SLC22A24: variants seen among roughly 807,000 people sequenced by gnomAD.
SLC22A24 encodes the protein steroid transmembrane transporter SLC22A24.
In SLC22A24, 53 loss-of-function variants were observed where a neutral mutation model predicts 49.8. The observed-to-expected ratio is 1.06, with a 90% confidence interval of 0.85 to 1.34. The LOEUF is 1.34. SLC22A24 is among the 40% of genes most tolerant of loss of function. The pLI is 0.00. For synonymous variants in SLC22A24, 302 were observed against 256.4 expected, an observed-to-expected ratio of 1.18 and a Z score of -1.70; for missense variants, 786 against 675.9, an observed-to-expected ratio of 1.16 and a Z score of -1.81.
At chr11:63,113,704 A>C in intron 4 of SLC22A24, among the ~76,000 whole-genome samples, 1 of 151,916 alleles carries the variant, frequency 6.6e-6, no homozygotes, top group East Asian at 1.9e-4. Flanking sequence ...AAATACAAAA[A>C]TTAGCTCGGC....
intron 1 of SLC22A24, among the ~76,000 whole-genome samples, chr11:63,135,197 GTAGGTAACATA>G: frequency 6.6e-6 from 1 of 152,274 alleles, no homozygotes; most frequent in South Asian, 2.1e-4. Context: ...CCCTCATCAT[GTAGGTAACATA>G]TGAGCTCTAC....
At chr11:63,114,258 C>G (rs1353485689) in intron 4 of SLC22A24, among the ~76,000 whole-genome samples, 4 of 152,114 alleles carry the variant, frequency 2.6e-5, no homozygotes, top group Non-Finnish European at 5.9e-5. Context: ...AAGCTTTGTT[C>G]ACTTCTTTTT....
chr11:63,138,341 C>A (rs2087389987), intron 1 of SLC22A24, among the ~76,000 whole-genome samples: 2 of 152,066 alleles, frequency 1.3e-5, no homozygotes, highest in African/African-American at 4.8e-5. Flanking sequence ...GCTTCGCAAG[C>A]TTGAAATTGG....
At chr11:63,105,573 C>T (rs112222618) in intron 4 of SLC22A24, among the ~76,000 whole-genome samples, 5,796 of 152,238 alleles carry the variant, frequency 0.038, 344 homozygotes, top group African/African-American at 0.13. Flanking sequence ...AGCCACAGCC[C>T]AAGTTGTCCC....
chr11:63,138,693 T>C lies in SLC22A24; in HGVS notation c.403-3925A>G, dbSNP rs182237204. Among the ~76,000 whole-genome samples the C allele has an allele frequency of 1.5e-3, 225 of 148,212 alleles. 1 individual carries two copies. The highest frequency in any genetic ancestry group is 5.3e-3 in the African/African-American group (215 of 40,708). On this transcript the variant is annotated intron_variant, in intron 1 of 9. Coordinates refer to ENST00000612278, the MANE Select transcript of SLC22A24 (RefSeq NM_001136506.2). ...AAGAAATTGGCTTCTGTACTCTCCTTCTGGGAAAAGCAATAGAAACTGCTC... is the reference window on the plus strand; with the variant it reads ...AAGAAATTGGCTTCTGTACTCTCCTCCTGGGAAAAGCAATAGAAACTGCTC...
intron 6 of SLC22A24, among the ~76,000 whole-genome samples, chr11:63,089,503 C>T (rs887050216): frequency 2.0e-5 from 3 of 152,040 alleles, no homozygotes; most frequent in African/African-American, 4.8e-5. Flanking sequence ...ATGAAGAAAG[C>T]GCATCAACTA....
intron 4 of SLC22A24, among the ~76,000 whole-genome samples, chr11:63,113,833 A>C (rs2087193149): frequency 6.7e-6 from 1 of 150,254 alleles, no homozygotes; most frequent in African/African-American, 2.5e-5. Flanking sequence ...CAGCCTGGGC[A>C]ACAGCGTGAG....
Position 63,119,310 on chromosome 11 carries a change from A to T in SLC22A24, c.532T>A (p.Leu178Met). Residue 178 changes from leucine to methionine, a missense_variant, in exon 3 of 10, where the codon TTG becomes ATG. Leu to Met is a conservative substitution (Grantham distance 15). Transcript: ENST00000612278. Reference sequence around the variant, plus strand: ...GAGATGGCCAGCTGGAGGAAACACAATTTGCATATGATCTTCCGTCCAACC... The same window carrying T: ...GAGATGGCCAGCTGGAGGAAACACATTTTGCATATGATCTTCCGTCCAACC... Reference protein sequence around the residue: ...DRVGRKIICKLCFLQLAISNT... With the variant: ...DRVGRKIICKMCFLQLAISNT... 6.5e-7 allele frequency: 1 copy of T among 1,548,848 alleles called. No homozygotes were observed. The highest frequency in any genetic ancestry group is 8.7e-7 in the Non-Finnish European group (1 of 1,146,206).
At chr11:63,082,005 A>G (rs1189682135) in intron 7 of SLC22A24, among the ~76,000 whole-genome samples, 2 of 152,180 alleles carry the variant, frequency 1.3e-5, no homozygotes, top group African/African-American at 4.8e-5. Flanking sequence ...GCACAGAACT[A>G]TATTTGTTCT....
chr11:63,095,988 T>C lies in SLC22A24; in HGVS notation c.1070+3A>G. The C allele has an allele frequency of 6.5e-7, 1 of 1,542,910 alleles. No individual in the cohort carries two copies. Among genetic ancestry groups the C allele is most frequent in the South Asian group, 1.2e-5 (1 of 83,622 alleles). On this transcript the variant is annotated splice_donor_region_variant and intron_variant, in intron 6 of 9. Coordinates refer to ENST00000612278, the MANE Select transcript of SLC22A24 (RefSeq NM_001136506.2). ...AAGTGAATCATCACCAAATGGAACT[T>C]ACCTCACAAAGCACAGGCCGAAGAC... is the stretch of plus-strand genomic sequence containing the variant.
chr11:63,106,688 A>C (rs1287076930), intron 4 of SLC22A24, among the ~76,000 whole-genome samples: 1 of 96,578 alleles, frequency 1.0e-5, no homozygotes, highest in African/African-American at 2.9e-5. Context: ...AGTGATGATG[A>C]GCATTTTTTC....
intron 5 of SLC22A24, among the ~76,000 whole-genome samples, chr11:63,101,228 A>G (rs768774124): frequency 3.9e-5 from 6 of 152,044 alleles, no homozygotes; most frequent in Non-Finnish European, 7.4e-5. Context: ...AATTAGTACA[A>G]TCACTACGGC....
intron 4 of SLC22A24, among the ~76,000 whole-genome samples, chr11:63,115,408 A>G (rs1315572653): frequency 5.3e-5 from 8 of 152,212 alleles, no homozygotes; most frequent in African/African-American, 1.7e-4. Flanking sequence ...GCTGGTTGCT[A>G]AGACCTTGGG....
rs1274671634 is a variant in SLC22A24, at chr11:63,113,034, A to AT, written c.830+5877_830+5878insA. Reference sequence around the variant, plus strand: ...CTCAAAAAAAAAAAAAAAAAAAAAAAAATATATATATATATATATACATAT... The same window carrying AT: ...CTCAAAAAAAAAAAAAAAAAAAAAAATAATATATATATATATATATACATAT... On this transcript the variant is annotated intron_variant, in intron 4 of 9. Transcript: ENST00000612278. 5.7e-4 allele frequency among the ~76,000 whole-genome samples: 13 copies of AT among 23,006 alleles called. 2 individuals carry two copies. Among genetic ancestry groups the AT allele is most frequent in the Non-Finnish European group, 8.6e-4 (10 of 11,670 alleles). The allele number at this position is 23,006 out of a possible 152,430, so 15.1% of individuals were successfully genotyped here.
intron 5 of SLC22A24, among the ~76,000 whole-genome samples, chr11:63,099,492 CA>C (rs1229212834): frequency 1.4e-5 from 2 of 142,894 alleles, no homozygotes; most frequent in Non-Finnish European, 3.0e-5. Flanking sequence ...CTGGCCTTAC[CA>C]AACATTTAAA....
At chr11:63,100,648 G>C (rs1343421963) in intron 5 of SLC22A24, among the ~76,000 whole-genome samples, 1 of 151,998 alleles carries the variant, frequency 6.6e-6, no homozygotes, top group Non-Finnish European at 1.5e-5. Context: ...ATGTTACCTG[G>C]CTCTAAATTA....
chr11:63,118,583 A>G (rs549202821), intron 4 of SLC22A24: 118 of 528,866 alleles, frequency 2.2e-4, no homozygotes, highest in Non-Finnish European at 3.6e-4. Context: ...AGTTACAATG[A>G]CAAAAGCCCC....
intron 6 of SLC22A24, 121 bp downstream of exon 6, chr11:63,095,870 T>C (rs563946745): frequency 3.5e-5 from 25 of 714,504 alleles, no homozygotes; most frequent in South Asian, 1.5e-4. Context: ...TACATTTGTA[T>C]GTGATTTTCT....
At chr11:63,116,896 C>G (rs772714336) in intron 4 of SLC22A24, among the ~76,000 whole-genome samples, 35 of 152,154 alleles carry the variant, frequency 2.3e-4, no homozygotes, top group Non-Finnish European at 4.1e-4. Context: ...CTGAACATTT[C>G]AACTCTAGAA....
Sources: allele counts gnomAD v4.1 joint callset (sites outside exome capture counted in the v4.1 genomes callset), GRCh38; gene constraint gnomAD v4.1.1; transcripts MANE v1.5; gene names NCBI Gene and HGNC (gene_info 2026-07-23, HGNC 2026-07-21).